Variants in EXOC6B observed in about 807,000 individuals in gnomAD.
EXOC6B encodes SEC15 homolog B.
Under a neutral mutation model 113.5 loss-of-function variants are expected in EXOC6B, and 54 were observed. The ratio of observed to expected loss-of-function variants is 0.48; its 90% confidence interval spans 0.38 to 0.60. EXOC6B has a LOEUF of 0.60. Ranked by LOEUF, EXOC6B falls within the 20% of genes least tolerant of loss-of-function variation. The pLI is 0.00. For synonymous variants in EXOC6B, 357 were observed against 339.0 expected (o/e 1.05, Z -0.58); for missense variants, 797 against 977.5 (o/e 0.82, Z 2.46).
rs183515447 is a variant in EXOC6B at position 72,503,908 on chromosome 2, T to C, written c.1168-3936A>G. The stretch of plus-strand genomic sequence containing the variant: ...GATGACATAGGATGATGAGCATCTT[T>C]CTTTTTTTTCTTTTTTTGAGACAGG... On this transcript the variant is annotated intron_variant, in intron 11 of 21. Coordinates refer to ENST00000272427, the MANE Select transcript of EXOC6B (RefSeq NM_015189.3). Among the ~76,000 whole-genome samples, 194 of 152,084 alleles carry C rather than the reference T, an allele frequency of 1.3e-3. 1 individual carries two copies. The highest frequency in any genetic ancestry group is 4.2e-3 in the African/African-American group (176 of 41,486).
intron 16 of EXOC6B, among the ~76,000 whole-genome samples, chr2:72,488,929 T>C (rs2105526460): frequency 6.6e-6 from 1 of 152,336 alleles, no homozygotes. Context: ...CTACCATGAA[T>C]GCTTGATACC....
chr2:72,437,062 T>C (rs569793686), intron 18 of EXOC6B, among the ~76,000 whole-genome samples: 109 of 152,368 alleles, frequency 7.2e-4, no homozygotes, highest in African/African-American at 2.5e-3. Context: ...TCTTTGATGC[T>C]GATGACCTTT....
chr2:72,423,221 T>A (rs1695008483), intron 18 of EXOC6B, among the ~76,000 whole-genome samples: 1 of 151,374 alleles, frequency 6.6e-6, no homozygotes, highest in African/African-American at 2.4e-5. Context: ...GCTTCACTCC[T>A]GAGCCAGCGA....
At chr2:72,252,969 C>CA (rs1029700930) in intron 20 of EXOC6B, among the ~76,000 whole-genome samples, 2 of 151,520 alleles carry the variant, frequency 1.3e-5, no homozygotes, top group East Asian at 1.9e-4. Context: ...TGGTGAACCT[C>CA]AAAAAAAATA....
At chr2:72,549,184 T>C (rs2105815174) in intron 8 of EXOC6B, among the ~76,000 whole-genome samples, 1 of 152,312 alleles carries the variant, frequency 6.6e-6, no homozygotes, top group East Asian at 1.9e-4. Flanking sequence ...AGACCGTCTA[T>C]ACTTTTATAT....
intron 17 of EXOC6B, among the ~76,000 whole-genome samples, chr2:72,469,117 T>C (rs371885922): frequency 1.1e-4 from 16 of 152,244 alleles, no homozygotes; most frequent in Middle Eastern, 3.4e-3. Flanking sequence ...CTGGTTTACA[T>C]TAGGGTGTAA....
intron 1 of EXOC6B, among the ~76,000 whole-genome samples, chr2:72,800,266 A>G (rs1317576090): frequency 6.6e-6 from 1 of 152,164 alleles, no homozygotes; most frequent in Non-Finnish European, 1.5e-5. Flanking sequence ...GTAACTATTC[A>G]TTTAATTTTT....
chr2:72,371,581 A>T (rs913781706), intron 19 of EXOC6B, among the ~76,000 whole-genome samples: 1 of 152,234 alleles, frequency 6.6e-6, no homozygotes, highest in African/African-American at 2.4e-5. Flanking sequence ...ATGGAGGACA[A>T]GAACCATATG....
intron 7 of EXOC6B, among the ~76,000 whole-genome samples, chr2:72,575,279 T>A (rs1407924553): frequency 6.6e-6 from 1 of 152,138 alleles, no homozygotes; most frequent in African/African-American, 2.4e-5. Context: ...GAGGAGTGAA[T>A]TTAAAATTTG....
intron 6 of EXOC6B, among the ~76,000 whole-genome samples, chr2:72,710,403 T>A (rs908405967): frequency 6.6e-6 from 1 of 151,980 alleles, no homozygotes; most frequent in Non-Finnish European, 1.5e-5. Context: ...ATACAAGTAA[T>A]TTTTTAAGGC....
intron 19 of EXOC6B, among the ~76,000 whole-genome samples, chr2:72,339,798 A>G (rs1172325977): frequency 3.3e-5 from 5 of 152,220 alleles, no homozygotes; most frequent in Admixed American, 3.3e-4. Flanking sequence ...TATACAAAAT[A>G]GCAGGAAAGA....
At chr2:72,495,711 A>C (rs1699999329) in intron 14 of EXOC6B, among the ~76,000 whole-genome samples, 172 bp from the exon 15 acceptor site, 1 of 152,224 alleles carries the variant, frequency 6.6e-6, no homozygotes, top group African/African-American at 2.4e-5. Context: ...AAAGACATAA[A>C]TTTAAATAAA....
chr2:72,240,624 G>A (rs185395152), intron 20 of EXOC6B, among the ~76,000 whole-genome samples: 1 of 152,308 alleles, frequency 6.6e-6, no homozygotes, highest in Admixed American at 6.5e-5. Flanking sequence ...GACAATGATA[G>A]TGACTGGTCA....
At chr2:72,446,622 G>C (rs115184464) in intron 18 of EXOC6B, among the ~76,000 whole-genome samples, 1 of 152,120 alleles carries the variant, frequency 6.6e-6, no homozygotes, top group Non-Finnish European at 1.5e-5. Flanking sequence ...GTGTACTAGA[G>C]TGGGGAGAGT....
chr2:72,382,512 C>T (rs1322212852), intron 18 of EXOC6B, among the ~76,000 whole-genome samples: 6 of 152,012 alleles, frequency 3.9e-5, no homozygotes, highest in African/African-American at 1.2e-4. Context: ...CTTGGCTATT[C>T]GGGGTCTTTT....
chr2:72,516,773 A>G (rs1332001282), intron 8 of EXOC6B, among the ~76,000 whole-genome samples: 1 of 152,138 alleles, frequency 6.6e-6, no homozygotes, highest in East Asian at 1.9e-4. Flanking sequence ...TGGTTTTCTC[A>G]TTTGTAGAGA....
intron 19 of EXOC6B, among the ~76,000 whole-genome samples, chr2:72,373,154 C>T (rs898130567): frequency 2.0e-5 from 3 of 151,332 alleles, no homozygotes; most frequent in Non-Finnish European, 4.4e-5. Flanking sequence ...CTGCAACCTC[C>T]ACCTCCCGGG....
At chr2:72,439,620 A>G (rs1481381513) in intron 18 of EXOC6B, among the ~76,000 whole-genome samples, 1 of 152,184 alleles carries the variant, frequency 6.6e-6, no homozygotes, top group African/African-American at 2.4e-5. Flanking sequence ...CGCTCCTGCA[A>G]TGTTTTATCA....
At chr2:72,308,532 G>A (rs1687017447) in intron 20 of EXOC6B, among the ~76,000 whole-genome samples, 1 of 152,170 alleles carries the variant, frequency 6.6e-6, no homozygotes, top group South Asian at 2.1e-4. Flanking sequence ...GAGAATAACA[G>A]TAGTATTTAT....
Sources: allele counts gnomAD v4.1 joint callset (sites outside exome capture counted in the v4.1 genomes callset), GRCh38; gene constraint gnomAD v4.1.1; transcripts MANE v1.5; gene names NCBI Gene and HGNC (gene_info 2026-07-23, HGNC 2026-07-21).